Variants in PINX1 observed in about 807,000 individuals in gnomAD.
PINX1 encodes the protein PIN2/TERF1-interacting telomerase inhibitor 1.
Under a neutral mutation model 25.4 loss-of-function variants are expected in PINX1, and 34 were observed. That is an observed-to-expected ratio of 1.34 (90% CI 1.02 to 1.78). PINX1 has a LOEUF of 1.78. Among genes scored for constraint, PINX1 ranks in the 40% most tolerant of loss-of-function variants. PINX1 has a pLI of 0.00. For missense variants in PINX1, 592 were observed against 404.9 expected, an observed-to-expected ratio of 1.46 and a Z score of -3.97; for synonymous variants, 197 against 147.7, an observed-to-expected ratio of 1.33 and a Z score of -2.42.
intron 6 of PINX1, among the ~76,000 whole-genome samples, chr8:10,791,786 C>T (rs1305824084): frequency 6.6e-6 from 1 of 152,132 alleles, no homozygotes; most frequent in African/African-American, 2.4e-5. Context: ...GTGGCGGCAA[C>T]CTCTCTCCAG....
chr8:10,812,198 C>A (rs952601524), intron 6 of PINX1, among the ~76,000 whole-genome samples: 1 of 152,166 alleles, frequency 6.6e-6, no homozygotes, highest in Non-Finnish European at 1.5e-5. Flanking sequence ...ACATCAAGAG[C>A]CTTTCACATT....
chr8:10,828,968 A>G (rs1284513255), intron 4 of PINX1, among the ~76,000 whole-genome samples: 1 of 152,174 alleles, frequency 6.6e-6, no homozygotes, highest in Admixed American at 6.5e-5. Context: ...TGTATAACAG[A>G]TCTGCTAATT....
At chr8:10,766,791 A>C (rs770360477) in intron 6 of PINX1, among the ~76,000 whole-genome samples, 1 of 152,240 alleles carries the variant, frequency 6.6e-6, no homozygotes, top group Non-Finnish European at 1.5e-5. Flanking sequence ...TATATATCTA[A>C]AAGTACATTT....
rs758953296 is a variant in PINX1 at position 10,839,802 on chromosome 8, G to A, written c.-46C>T. 2.5e-6 allele frequency: 4 copies of A among 1,581,478 alleles called. No individual in the cohort carries two copies. Among genetic ancestry groups the A allele is most frequent in the East Asian group, 2.3e-5 (1 of 43,424 alleles). On this transcript the variant is annotated 5_prime_UTR_variant, in exon 1 of 7. Transcript: ENST00000314787. Reference sequence around the variant, plus strand: ...GCCGCCTCTGGACCTGGGTGACTGCGGCCACTGGGCGGGCTGGAGACTCCA... The same window carrying A: ...GCCGCCTCTGGACCTGGGTGACTGCAGCCACTGGGCGGGCTGGAGACTCCA...
chr8:10,796,109 A>T (rs946252227), intron 6 of PINX1, among the ~76,000 whole-genome samples: 33 of 152,316 alleles, frequency 2.2e-4, no homozygotes, highest in African/African-American at 6.5e-4. Flanking sequence ...TGATAACGGG[A>T]TGGGAGATTC....
At chr8:10,830,584 G>A (rs1417203010) in intron 4 of PINX1, among the ~76,000 whole-genome samples, 1 of 152,078 alleles carries the variant, frequency 6.6e-6, no homozygotes, top group Non-Finnish European at 1.5e-5. Flanking sequence ...TGACACACAA[G>A]GAATAGACTG....
intron 1 of PINX1, 127 bp from the exon 2 acceptor site, chr8:10,834,902 G>T: frequency 1.6e-6 from 1 of 634,546 alleles, no homozygotes. Flanking sequence ...TTACAATACA[G>T]AAATTAATTC....
intron 6 of PINX1, among the ~76,000 whole-genome samples, chr8:10,799,178 CAG>C (rs1802184388): frequency 6.6e-6 from 1 of 151,814 alleles, no homozygotes; most frequent in African/African-American, 2.4e-5. Flanking sequence ...TATATCTGGA[CAG>C]AGTACCTGCA....
intron 6 of PINX1, among the ~76,000 whole-genome samples, chr8:10,818,592 G>C (rs1797771528): frequency 6.6e-6 from 1 of 152,176 alleles, no homozygotes; most frequent in Admixed American, 6.5e-5. Flanking sequence ...GGCTGGGGGT[G>C]GTGGGTGAGC....
At chr8:10,835,636 C>A (rs945528583) in intron 1 of PINX1, among the ~76,000 whole-genome samples, 6 of 152,158 alleles carry the variant, frequency 3.9e-5, no homozygotes, top group Admixed American at 2.6e-4. Flanking sequence ...TCCCATTAGA[C>A]CATCATCTCC....
intron 3 of PINX1, 80 bp downstream of exon 3, chr8:10,832,812 G>C: frequency 1.3e-6 from 1 of 788,922 alleles, no homozygotes; most frequent in Non-Finnish European, 2.2e-6. Flanking sequence ...GTCAGAAGCA[G>C]ATGAACCAAT....
chr8:10,766,295 G>A (rs1055564928), intron 6 of PINX1, among the ~76,000 whole-genome samples: 1 of 152,204 alleles, frequency 6.6e-6, no homozygotes, highest in Non-Finnish European at 1.5e-5. Flanking sequence ...ATCAGAAACA[G>A]GGACACTGGT....
chr8:10,800,396 T>C (rs1802229111), intron 6 of PINX1, among the ~76,000 whole-genome samples: 1 of 152,220 alleles, frequency 6.6e-6, no homozygotes, highest in Admixed American at 6.5e-5. Flanking sequence ...TATAAGTAAC[T>C]TGGGTTCTTC....
chr8:10,839,316 G>A (rs1051482293), intron 1 of PINX1, among the ~76,000 whole-genome samples: 5 of 152,206 alleles, frequency 3.3e-5, no homozygotes, highest in Admixed American at 6.5e-5. Flanking sequence ...CTGGGTCCAA[G>A]ACATCTTGGA....
intron 6 of PINX1, among the ~76,000 whole-genome samples, chr8:10,803,124 A>G (rs754764155): frequency 6.6e-6 from 1 of 152,234 alleles, no homozygotes; most frequent in Non-Finnish European, 1.5e-5. Context: ...TATACAAAAA[A>G]AATTAGTGAA....
At chr8:10,829,445 G>A (rs1242962189) in intron 4 of PINX1, among the ~76,000 whole-genome samples, 1 of 152,100 alleles carries the variant, frequency 6.6e-6, no homozygotes, top group Non-Finnish European at 1.5e-5. Flanking sequence ...ATCTCTGCTT[G>A]CTTTTCTTAG....
chr8:10,778,212 A>T (rs1330128923), intron 6 of PINX1, among the ~76,000 whole-genome samples: 1 of 152,192 alleles, frequency 6.6e-6, no homozygotes, highest in Non-Finnish European at 1.5e-5. Context: ...AGTTATTGAT[A>T]ATGAACTCAT....
intron 6 of PINX1, among the ~76,000 whole-genome samples, chr8:10,785,087 T>C (rs541125079): frequency 5.6e-4 from 85 of 152,304 alleles, no homozygotes; most frequent in Non-Finnish European, 9.6e-4. Context: ...AACTTCTTTT[T>C]AGAAAATTCC....
At chr8:10,789,036 G>A (rs556792337) in intron 6 of PINX1, among the ~76,000 whole-genome samples, 715 of 152,320 alleles carry the variant, frequency 4.7e-3, no homozygotes, top group Non-Finnish European at 7.9e-3. Flanking sequence ...GTGGGAGCGT[G>A]AAAGGGACAA....
Sources: allele counts gnomAD v4.1 joint callset (sites outside exome capture counted in the v4.1 genomes callset), GRCh38; gene constraint gnomAD v4.1.1; transcripts MANE v1.5; gene names NCBI Gene and HGNC (gene_info 2026-07-23, HGNC 2026-07-21).